Variants in ITGA2 observed in about 807,000 individuals in gnomAD.
The protein encoded by ITGA2 is integrin alpha-2.
A neutral mutation model predicts 146.3 loss-of-function variants in ITGA2; 101 were observed. That is an observed-to-expected ratio of 0.69 (90% CI 0.59 to 0.81). The LOEUF (loss-of-function observed/expected upper bound fraction) is 0.81. Ranked by LOEUF, ITGA2 falls within the 40% of genes least tolerant of loss-of-function variation. The probability of loss-of-function intolerance (pLI) is 0.00; values close to 1 mark genes in which losing one functional copy is unlikely to be tolerated. For synonymous variants in ITGA2, 477 were observed against 487.1 expected, an observed-to-expected ratio of 0.98 and a Z score of 0.27; for missense variants, 1,281 against 1,402.7, an observed-to-expected ratio of 0.91 and a Z score of 1.39.
chr5:53,082,039 A>C (rs1745947537), intron 26 of ITGA2, among the ~76,000 whole-genome samples: 1 of 152,218 alleles, frequency 6.6e-6, no homozygotes, highest in Admixed American at 6.5e-5. Flanking sequence ...CAAGGCAAAG[A>C]GCTGTGAAGG....
Position 53,045,065 on chromosome 5 carries a change from C to G in ITGA2, c.360C>G (p.Thr120=), listed in dbSNP as rs1561117882. The G allele has an allele frequency of 6.2e-7, 1 of 1,613,686 alleles. No homozygotes were observed. The highest frequency in any genetic ancestry group is 8.5e-7 in the Non-Finnish European group (1 of 1,179,656). Residue 120 remains threonine (T), a synonymous_variant, in exon 4 of 30, where the codon ACC becomes ACG. Transcript: ENST00000296585. The stretch of plus-strand genomic sequence containing the variant: ...ACATGAGCCTCGGCTTGATCCTCAC[C>G]AGGAACATGGGAACTGGAGGTTTTC... ...KTNMSLGLIL[T]RNMGTGGFLT... is the part of the protein sequence containing the mutation.
intron 18 of ITGA2, 21 bp downstream of exon 18, chr5:53,072,069 C>T: frequency 6.7e-7 from 1 of 1,499,494 alleles, no homozygotes; most frequent in Non-Finnish European, 9.3e-7. Flanking sequence ...CTTACACTTC[C>T]TGGATTTAGA....
chr5:53,090,601 C>G lies in ITGA2; in HGVS notation c.*2C>G, dbSNP rs1740366214. ...GAGACCACAGAGCTCAGTAGCTGAACCAGCAGACCTACCTGCAGTGGGAAC... is the reference window on the plus strand; with the variant it reads ...GAGACCACAGAGCTCAGTAGCTGAAGCAGCAGACCTACCTGCAGTGGGAAC... On this transcript the variant is annotated 3_prime_UTR_variant, in exon 30 of 30. Coordinates refer to ENST00000296585, the MANE Select transcript of ITGA2 (RefSeq NM_002203.4). The G allele has an allele frequency of 6.2e-7, 1 of 1,612,446 alleles. No individual in the cohort carries two copies. Among genetic ancestry groups the G allele is most frequent in the East Asian group, 2.2e-5 (1 of 44,852 alleles).
chr5:53,008,441 T>A (rs1348292587), intron 1 of ITGA2, among the ~76,000 whole-genome samples: 1 of 151,456 alleles, frequency 6.6e-6, no homozygotes, highest in African/African-American at 2.4e-5. Context: ...ATACAGGAAT[T>A]TTGAGAGACA....
chr5:53,081,209 C>T (rs909808360), intron 25 of ITGA2, among the ~76,000 whole-genome samples: 1 of 152,276 alleles, frequency 6.6e-6, no homozygotes, highest in Admixed American at 6.5e-5. Context: ...TTGACATTGG[C>T]TCATCTTCAG....
chr5:52,989,867 G>A (rs1377401626), intron 1 of ITGA2, among the ~76,000 whole-genome samples: 1 of 151,730 alleles, frequency 6.6e-6, no homozygotes, highest in Non-Finnish European at 1.5e-5. Context: ...AGCATGGACA[G>A]TGTGGGGATC....
At chr5:53,065,769 G>T (rs777599190) in intron 14 of ITGA2, 72 bp from the exon 15 acceptor site, 2 of 1,598,474 alleles carry the variant, frequency 1.3e-6, no homozygotes, top group Non-Finnish European at 8.6e-7. Flanking sequence ...ATATAATAAT[G>T]AAATTCAGAG....
At chr5:53,065,233 C>A in intron 14 of ITGA2, 118 bp downstream of exon 14, 1 of 1,020,708 alleles carries the variant, frequency 9.8e-7, no homozygotes, top group Non-Finnish European at 1.5e-6. Context: ...CATTCTTTCA[C>A]TCAGCAAATA....
chr5:53,041,979 G>A (rs1026295920), intron 2 of ITGA2, 133 bp from the exon 3 acceptor site: 1 of 686,308 alleles, frequency 1.5e-6, no homozygotes, highest in African/African-American at 1.8e-5. Flanking sequence ...AAGGCAGCAG[G>A]TCAAATCATA....
intron 1 of ITGA2, among the ~76,000 whole-genome samples, chr5:53,008,750 G>A (rs975164447): frequency 3.9e-5 from 6 of 152,204 alleles, no homozygotes; most frequent in African/African-American, 1.2e-4. Flanking sequence ...ACTCCCAGGA[G>A]ATGTGCATTT....
chr5:53,076,757 TAGGC>T (rs1295227820), intron 23 of ITGA2, among the ~76,000 whole-genome samples: 1 of 152,098 alleles, frequency 6.6e-6, no homozygotes. Flanking sequence ...ATTATCATCT[TAGGC>T]AGGTATTTTT....
At chr5:53,055,309 A>T (rs1038940333) in intron 7 of ITGA2, among the ~76,000 whole-genome samples, 1 of 152,128 alleles carries the variant, frequency 6.6e-6, no homozygotes, top group African/African-American at 2.4e-5. Flanking sequence ...ATATACACAC[A>T]TATGCCCTGA....
chr5:53,033,915 C>G (rs1441638049), intron 2 of ITGA2, among the ~76,000 whole-genome samples: 1 of 152,064 alleles, frequency 6.6e-6, no homozygotes. Context: ...AAGCGCCCAC[C>G]ACCATGCCTG....
chr5:53,090,379 G>A (rs1480022233), intron 29 of ITGA2, 140 bp from the exon 30 acceptor site: 4 of 745,910 alleles, frequency 5.4e-6, no homozygotes, highest in South Asian at 1.5e-5. Context: ...GTAGATATCA[G>A]GTCATCAGTC....
Position 53,071,980 on chromosome 5 carries a change from A to C in ITGA2, c.2278A>C (p.Ile760Leu). The change falls in exon 18 of 30, where the codon ATC (isoleucine) becomes CTC (leucine). Residue 760 changes from isoleucine to leucine, a missense_variant. Coordinates refer to ENST00000296585, the MANE Select transcript of ITGA2 (RefSeq NM_002203.4). ...VVNSLDLRVD[I>L]SLENPGTSPA... ...CAACTCTTTGGATTTGCGTGTGGAC[A>C]TCAGTCTGGAAAACCCTGGCACTAG... is the stretch of plus-strand genomic sequence containing the variant. 1.2e-6 allele frequency: 2 copies of C among 1,612,432 alleles called. No individual in the cohort carries two copies. The highest frequency in any genetic ancestry group is 1.7e-6 in the Non-Finnish European group (2 of 1,178,986).
chr5:53,082,589 CCT>C (rs1183193516), intron 26 of ITGA2, among the ~76,000 whole-genome samples: 7 of 152,126 alleles, frequency 4.6e-5, no homozygotes, highest in East Asian at 1.9e-4. Flanking sequence ...CCATATACCC[CCT>C]GTCCCACACA....
chr5:53,028,724 C>G (rs904053746), intron 2 of ITGA2, among the ~76,000 whole-genome samples: 1 of 152,304 alleles, frequency 6.6e-6, no homozygotes, highest in East Asian at 1.9e-4. Flanking sequence ...TCTGCACAAG[C>G]TAATGAGGCC....
intron 24 of ITGA2, 53 bp from the exon 25 acceptor site, chr5:53,080,458 C>G: frequency 7.1e-7 from 1 of 1,412,344 alleles, no homozygotes; most frequent in Non-Finnish European, 1.0e-6. Context: ...GGTGAATTTC[C>G]TTGCATCATG....
Position 53,043,678 on chromosome 5 carries a change from G to A in ITGA2, c.296-1323G>A, listed in dbSNP as rs3212449. Among the ~76,000 whole-genome samples, 976 of 152,266 alleles carry A rather than the reference G, an allele frequency of 6.4e-3. 13 individuals carry two copies. The highest frequency in any genetic ancestry group is 0.023 in the African/African-American group (942 of 41,542). On this transcript the variant is annotated intron_variant, in intron 3 of 29. Transcript: ENST00000296585. The stretch of plus-strand genomic sequence containing the variant: ...ATAGCAGTGTGAGAAGATTTTTCTA[G>A]TAAACAAGAGATGATACTTTTTGTA...
Sources: allele counts gnomAD v4.1 joint callset (sites outside exome capture counted in the v4.1 genomes callset), GRCh38; gene constraint gnomAD v4.1.1; transcripts MANE v1.5; gene names NCBI Gene and HGNC (gene_info 2026-07-23, HGNC 2026-07-21).